MGAT5: variants seen among roughly 807,000 people sequenced by gnomAD.
The protein encoded by MGAT5 is alpha-1,6-mannosylglycoprotein 6-beta-N-acetylglucosaminyltransferase.
In MGAT5, 30 loss-of-function variants were observed where a neutral mutation model predicts 94.3. That is an observed-to-expected ratio of 0.32 (90% CI 0.24 to 0.43). MGAT5 has a LOEUF of 0.43. Among genes scored for constraint, MGAT5 ranks in the 20% least tolerant of loss-of-function variants. The pLI is 1.00. For missense variants in MGAT5, 691 were observed against 905.5 expected (o/e 0.76, Z 3.04); for synonymous variants, 310 against 322.9 (o/e 0.96, Z 0.43).
chr2:134,449,027 A>G lies in MGAT5; in HGVS notation c.*180A>G, dbSNP rs1685954997. ...CGAGCAACCCAGTGGAGTCTTCACC[A>G]AAACAAAACAAGAGCGTATGTCAGG... On this transcript the variant is annotated 3_prime_UTR_variant, in exon 16 of 16. Coordinates refer to ENST00000281923, the MANE Select transcript of MGAT5 (RefSeq NM_002410.5). 3.2e-6 allele frequency: 2 copies of G among 617,284 alleles called. No individual in the cohort carries two copies. Among genetic ancestry groups the G allele is most frequent in the Non-Finnish European group, 5.7e-6 (2 of 353,174 alleles). The allele number at this position is 617,284 out of a possible 1,614,324, so 38.2% of individuals were successfully genotyped here.
At chr2:134,330,620 A>G (rs943120229) in intron 4 of MGAT5, among the ~76,000 whole-genome samples, 130 of 149,482 alleles carry the variant, frequency 8.7e-4, no homozygotes, top group African/African-American at 3.0e-3. Context: ...TTCATACATG[A>G]TGGTATGCTT....
intron 1 of MGAT5, among the ~76,000 whole-genome samples, chr2:134,233,722 C>T (rs1437094812): frequency 1.3e-5 from 2 of 152,070 alleles, no homozygotes; most frequent in East Asian, 1.9e-4. Context: ...TAGACTAGGC[C>T]CTTTGCAAAT....
Position 134,122,554 on chromosome 2 carries a change from G to A in MGAT5, c.-143+2263G>A, listed in dbSNP as rs960895348. Among the ~76,000 whole-genome samples, 10 of 152,318 alleles carry A rather than the reference G, an allele frequency of 6.6e-5. No homozygotes were observed. The East Asian group carries it at 1.9e-3, about 29-fold the overall frequency. On this transcript the variant is annotated intron_variant, in intron 1 of 16. Coordinates refer to the MGAT5 transcript ENST00000409645. The stretch of plus-strand genomic sequence containing the variant: ...GAGAGGCCCTGAAAAGCAAGGTGAT[G>A]GAGGAGGGGCAAGAGGGTGACTGTT...
At chr2:134,155,146 A>G (rs1687416233) in intron 1 of MGAT5, among the ~76,000 whole-genome samples, 1 of 152,208 alleles carries the variant, frequency 6.6e-6, no homozygotes, top group Non-Finnish European at 1.5e-5. Flanking sequence ...CATGTGAAAC[A>G]GTCCCTAGGA....
At chr2:134,308,620 T>C (rs16830389) in intron 2 of MGAT5, among the ~76,000 whole-genome samples, 23,429 of 152,246 alleles carry the variant, frequency 0.15, 2,018 homozygotes, top group South Asian at 0.3. Context: ...TCATGACAAA[T>C]GCTCTAATTT....
intron 2 of MGAT5, among the ~76,000 whole-genome samples, chr2:134,299,438 G>T (rs1435898348): frequency 1.3e-5 from 2 of 152,140 alleles, no homozygotes; most frequent in Admixed American, 6.5e-5. Context: ...AGCTAGGCCT[G>T]CAGGTAAGGT....
intron 4 of MGAT5, among the ~76,000 whole-genome samples, chr2:134,330,360 A>T (rs1371587910): frequency 6.6e-6 from 1 of 152,142 alleles, no homozygotes; most frequent in Non-Finnish European, 1.5e-5. Context: ...TAGGTCTCTT[A>T]TCCCTCACTA....
intron 1 of MGAT5, among the ~76,000 whole-genome samples, chr2:134,134,328 G>A (rs1257873197): frequency 1.3e-5 from 2 of 152,160 alleles, no homozygotes; most frequent in African/African-American, 2.4e-5. Context: ...CCTTGCTTCA[G>A]TGGAAGGAGA....
intron 10 of MGAT5, among the ~76,000 whole-genome samples, chr2:134,385,602 G>A (rs1197364981): frequency 6.6e-6 from 1 of 152,146 alleles, no homozygotes; most frequent in East Asian, 1.9e-4. Context: ...CACAAGTGGA[G>A]GGCAGAGGAC....
At chr2:134,369,023 T>A (rs1680612930) in intron 10 of MGAT5, among the ~76,000 whole-genome samples, 1 of 150,138 alleles carries the variant, frequency 6.7e-6, no homozygotes, top group Non-Finnish European at 1.5e-5. Flanking sequence ...TGTAATCATA[T>A]AATTATCTTT....
intron 1 of MGAT5, among the ~76,000 whole-genome samples, chr2:134,203,434 A>AGATTTTT (rs1679888757): frequency 6.6e-6 from 1 of 152,204 alleles, no homozygotes; most frequent in Admixed American, 6.5e-5. Context: ...ATGACTAATC[A>AGATTTTT]GATTTTTGGT....
At position 134,367,919 on chromosome 2, in the gene MGAT5, T is replaced by A. The variant is rs1050296404; in HGVS notation, c.1380+5511T>A. Among the ~76,000 whole-genome samples, 3 of 152,396 alleles carry A rather than the reference T, an allele frequency of 2.0e-5. No homozygotes were observed. The South Asian group carries it at 6.2e-4, about 32-fold the overall frequency. On this transcript the variant is annotated intron_variant, in intron 10 of 15. Transcript: ENST00000281923. Reference sequence around the variant, plus strand: ...CTTGGAGCCCTTCACAGCCATCATTTAAGGTGGTACAGGCTGATGCCTTTT... The same window carrying A: ...CTTGGAGCCCTTCACAGCCATCATTAAAGGTGGTACAGGCTGATGCCTTTT...
intron 1 of MGAT5, among the ~76,000 whole-genome samples, chr2:134,182,637 C>G (rs144425133): frequency 6.6e-6 from 1 of 152,156 alleles, no homozygotes; most frequent in Non-Finnish European, 1.5e-5. Context: ...GGAAGCTCCT[C>G]GTGTTCCCGT....
At chr2:134,330,865 A>C (rs1376930524) in intron 4 of MGAT5, among the ~76,000 whole-genome samples, 3 of 152,144 alleles carry the variant, frequency 2.0e-5, no homozygotes, top group African/African-American at 4.8e-5. Context: ...TTAATCATGA[A>C]AGAAAAAGCC....
chr2:134,193,324 A>T (rs1357768944), intron 1 of MGAT5, among the ~76,000 whole-genome samples: 3 of 152,058 alleles, frequency 2.0e-5, no homozygotes, highest in Non-Finnish European at 4.4e-5. Flanking sequence ...CCTGTGTTGC[A>T]TGGGCTCATC....
intron 10 of MGAT5, among the ~76,000 whole-genome samples, chr2:134,393,587 G>T (rs772781095): frequency 6.6e-6 from 1 of 152,186 alleles, no homozygotes. Flanking sequence ...ACCAGAAGGG[G>T]CATTGCAACC....
intron 10 of MGAT5, among the ~76,000 whole-genome samples, chr2:134,385,286 T>C (rs887002023): frequency 6.6e-6 from 1 of 152,138 alleles, no homozygotes; most frequent in African/African-American, 2.4e-5. Flanking sequence ...ATTCTCTGAG[T>C]CTATCTCTCC....
chr2:134,264,169 T>C (rs570667821), intron 1 of MGAT5, among the ~76,000 whole-genome samples: 3 of 152,148 alleles, frequency 2.0e-5, no homozygotes, highest in South Asian at 4.2e-4. Context: ...ATTACAGGCA[T>C]GTGCCACCAT....
chr2:134,444,668 G>C (rs1172300613), intron 15 of MGAT5, among the ~76,000 whole-genome samples: 3 of 152,226 alleles, frequency 2.0e-5, no homozygotes, highest in African/African-American at 7.2e-5. Context: ...TTTGAGCTAA[G>C]TTTAAGTTCC....
Sources: allele counts gnomAD v4.1 joint callset (sites outside exome capture counted in the v4.1 genomes callset), GRCh38; gene constraint gnomAD v4.1.1; transcripts MANE v1.5; gene names NCBI Gene and HGNC (gene_info 2026-07-23, HGNC 2026-07-21).